The following FEM1A variants were observed in gnomAD, a reference collection of about 807,000 sequenced individuals.
The protein encoded by FEM1A is protein fem-1 homolog A.
In FEM1A, 1 loss-of-function variant was observed where a neutral mutation model predicts 0.7. That is an observed-to-expected ratio of 1.35 (90% confidence interval 0.48 to 6.40). The LOEUF is 6.40. Ranked by LOEUF, FEM1A falls within the 30% of genes most tolerant of loss-of-function variation. The pLI is 0.14. For synonymous variants in FEM1A, 391 were observed against 420.6 expected, an observed-to-expected ratio of 0.93 and a Z score of 0.86; for missense variants, 721 against 918.7, an observed-to-expected ratio of 0.78 and a Z score of 2.78.
At position 4,795,154 on chromosome 19, in the gene FEM1A, G is replaced by C. The variant is rs981230949; in HGVS notation, c.*1290G>C. Reference sequence around the variant, plus strand: ...TGACTCAGGGTAAGGTGCTGGGGCTGCCAGAGGACCTGCCCCAGCAAGATT... The same window carrying C: ...TGACTCAGGGTAAGGTGCTGGGGCTCCCAGAGGACCTGCCCCAGCAAGATT... On this transcript the variant is annotated 3_prime_UTR_variant, in exon 1 of 1. Transcript: ENST00000269856. 4.2e-5 allele frequency: 7 copies of C among 166,784 alleles called. No individual in the cohort carries two copies. Among genetic ancestry groups the C allele is most frequent in the African/African-American group, 1.7e-4 (7 of 41,176 alleles). 10.3% of individuals were successfully genotyped at this position (166,784 alleles called of 1,614,324 possible). A position where few individuals can be genotyped will look rare whatever the true frequency, so the allele number is the denominator to read the frequency against.
chr19:4,792,221 G>T lies in FEM1A; in HGVS notation c.367G>T (p.Ala123Ser). 2.0e-6 allele frequency: 3 copies of T among 1,503,934 alleles called. No homozygotes were observed. The highest frequency in any genetic ancestry group is 2.7e-6 in the Non-Finnish European group (3 of 1,127,662). 93.2% of individuals were successfully genotyped at this position (1,503,934 alleles called of 1,614,324 possible). A position where few individuals can be genotyped will look rare whatever the true frequency, so the allele number is the denominator to read the frequency against. Residue 123 changes from alanine to serine, a missense_variant, in exon 1 of 1, where the codon GCC becomes TCC. Physicochemically the swap from Ala to Ser is moderately conservative, Grantham distance 99. Around this residue, in one of 4 missense-constraint regions of FEM1A, gnomAD observed 195 missense variants for 316.9 expected, o/e 0.62. Coordinates refer to ENST00000269856, the MANE Select transcript of FEM1A (RefSeq NM_018708.3). The surrounding 1 kb of genome is among the most constrained non-coding windows in gnomAD (Gnocchi z 6.7). Reference sequence around the variant, plus strand: ...CACCAACTCCACGCCTCTCCGCGCCGCCTGCTTCGACGGCCACCTGGAGGT... The same window carrying T: ...CACCAACTCCACGCCTCTCCGCGCCTCCTGCTTCGACGGCCACCTGGAGGT... The part of the protein sequence containing the change: ...TRTNSTPLRA[A>S]CFDGHLEVVR...
Position 4,792,674 on chromosome 19 carries a change from AG to A in FEM1A, c.821del (p.Ser274ThrfsTer8). The A allele has an allele frequency of 6.2e-7, 1 of 1,612,138 alleles. No homozygotes were observed. Among genetic ancestry groups the A allele is most frequent in the Middle Eastern group, 2.2e-4 (1 of 4,570 alleles). On this transcript the variant is annotated frameshift_variant, in exon 1 of 1. Transcript: ENST00000269856. LOFTEE classifies it low-confidence loss of function (END_TRUNC). This position sits in a 1 kb window ranked among gnomAD's most constrained non-coding sequence, Gnocchi z 6.7. ...GCAGCCTCAGGGGGCTCCGTGCTGC[AG>A]CTCCTCCCCAGAGGAACCACTGAAC... is the stretch of plus-strand genomic sequence containing the variant. Reference protein sequence around the residue: ...CAQPQGAPCCSSSPEEPLNGE... With the variant: ...CAQPQGAPCCXSSPEEPLNGE...
Position 4,794,720 on chromosome 19 carries a change from T to C in FEM1A, c.*856T>C, listed in dbSNP as rs909909537. Reference sequence around the variant, plus strand: ...AAACATGGGTGACCGTACATTTTTATACATCTCCACTCTACGGCCTTTTAC... The same window carrying C: ...AAACATGGGTGACCGTACATTTTTACACATCTCCACTCTACGGCCTTTTAC... On this transcript the variant is annotated 3_prime_UTR_variant, in exon 1 of 1. Coordinates refer to ENST00000269856, the MANE Select transcript of FEM1A (RefSeq NM_018708.3). 2.4e-5 allele frequency: 4 copies of C among 167,008 alleles called. No homozygotes were observed. The highest frequency in any genetic ancestry group is 9.7e-5 in the African/African-American group (4 of 41,448). The allele number at this position is 167,008 out of a possible 1,614,324, so 10.3% of individuals were successfully genotyped here. A position where few individuals can be genotyped will look rare whatever the true frequency, so the allele number is the denominator to read the frequency against.
In FEM1A at chr19:4,800,709, G is replaced by C. The variant is rs1186603993; in HGVS notation, c.*6845G>C. On this transcript the variant is annotated 3_prime_UTR_variant, in exon 1 of 1. Coordinates refer to ENST00000269856, the MANE Select transcript of FEM1A (RefSeq NM_018708.3). ...GGCCCCTATGGCTTTGCCAGACCCC[G>C]GGTGCCGCCGCCCCCATGGAATTGC... The C allele has an allele frequency of 6.6e-6, 1 of 152,360 alleles. No individual in the cohort carries two copies. Among genetic ancestry groups the C allele is most frequent in the Admixed American group, 6.6e-5 (1 of 15,248 alleles). The allele number at this position is 152,360 out of a possible 1,614,324, so 9.4% of individuals were successfully genotyped here.
chr19:4,791,785 C>A lies in FEM1A; in HGVS notation c.-70C>A. The A allele has an allele frequency of 7.2e-7, 1 of 1,384,416 alleles. No homozygotes were observed. The highest frequency in any genetic ancestry group is 9.4e-7 in the Non-Finnish European group (1 of 1,062,884). The allele number at this position is 1,384,416 out of a possible 1,614,324, so 85.8% of individuals were successfully genotyped here. A position where few individuals can be genotyped will look rare whatever the true frequency, so the allele number is the denominator to read the frequency against. ...GGGACGGTGAAGGTTGCCTCCCGCC[C>A]GTCCGGGCTCTGATCCTCCGTCTCC... On this transcript the variant is annotated 5_prime_UTR_variant, in exon 1 of 1. Coordinates refer to ENST00000269856, the MANE Select transcript of FEM1A (RefSeq NM_018708.3).
rs146137689 is a variant in FEM1A, at chr19:4,793,439, G to T, written c.1585G>T (p.Ala529Ser). Residue 529 changes from alanine to serine, a missense_variant, in exon 1 of 1, where the codon GCG becomes TCG. Physicochemically the swap from Ala to Ser is moderately conservative, Grantham distance 99 (BLOSUM62 1). Around this residue, in one of 4 missense-constraint regions of FEM1A, gnomAD observed 379 missense variants for 454.8 expected, o/e 0.83. Coordinates refer to ENST00000269856, the MANE Select transcript of FEM1A (RefSeq NM_018708.3). This position sits in a 1 kb window ranked among gnomAD's most constrained non-coding sequence, Gnocchi z 5.1. ...GACCGTCTACCGCCTGCTCAAGTGC[G>T]CGCCCAGGGGCAAGAACGGCTTCAC... The part of the protein sequence containing the change: ...HQTVYRLLKC[A>S]PRGKNGFTPL... 392 of 1,612,142 alleles carry T rather than the reference G, an allele frequency of 2.4e-4. No individual in the cohort carries two copies. Among genetic ancestry groups the T allele is most frequent in the Non-Finnish European group, 3.3e-4 (387 of 1,179,870 alleles).
Position 4,794,140 on chromosome 19 carries a change from C to T in FEM1A, c.*276C>T, listed in dbSNP as rs1568360279. ...AAAAGACACAAGACCTTCCCCACAT[C>T]CTGTCTGCCTGGGTTAGGGAGGCCT... On this transcript the variant is annotated 3_prime_UTR_variant, in exon 1 of 1. Transcript: ENST00000269856. 2 of 433,414 alleles carry T rather than the reference C, an allele frequency of 4.6e-6. No homozygotes were observed. Among genetic ancestry groups the T allele is most frequent in the Non-Finnish European group, 8.7e-6 (2 of 228,916 alleles). The allele number at this position is 433,414 out of a possible 1,614,324, so 26.8% of individuals were successfully genotyped here. A position where few individuals can be genotyped will look rare whatever the true frequency, so the allele number is the denominator to read the frequency against.
In FEM1A at chr19:4,791,849, C is replaced by G. The variant is rs1301272445; in HGVS notation, c.-6C>G. On this transcript the variant is annotated 5_prime_UTR_variant, in exon 1 of 1. Transcript: ENST00000269856. ...GCCGGCCCATGGCCTGGCGGAGGCCCGAACCATGGACCTCCGCACCGCCGT... is the reference window on the plus strand; with the variant it reads ...GCCGGCCCATGGCCTGGCGGAGGCCGGAACCATGGACCTCCGCACCGCCGT... 6.0e-6 allele frequency: 9 copies of G among 1,500,994 alleles called. No homozygotes were observed. The highest frequency in any genetic ancestry group is 8.0e-6 in the Non-Finnish European group (9 of 1,129,092). The allele number at this position is 1,500,994 out of a possible 1,614,324, so 93.0% of individuals were successfully genotyped here. A position where few individuals can be genotyped will look rare whatever the true frequency, so the allele number is the denominator to read the frequency against.
rs2093555330 is a variant in FEM1A, at chr19:4,792,252, G to C, written c.398G>C (p.Arg133Pro). Reference protein sequence around the residue: ...ACFDGHLEVVRYLVGEHQADL... With the variant: ...ACFDGHLEVVPYLVGEHQADL... ...TTCGACGGCCACCTGGAGGTGGTGC[G>C]CTACCTGGTCGGCGAGCACCAGGCC... The change falls in exon 1 of 1, where the codon CGC becomes CCC. Residue 133 changes from arginine to proline, a missense_variant. Arg to Pro is a moderately radical substitution (Grantham distance 103). Coordinates refer to ENST00000269856, the MANE Select transcript of FEM1A (RefSeq NM_018708.3). The surrounding 1 kb of genome is among the most constrained non-coding windows in gnomAD (Gnocchi z 6.7). The C allele has an allele frequency of 6.5e-7, 1 of 1,534,256 alleles. No individual in the cohort carries two copies. The highest frequency in any genetic ancestry group is 8.7e-7 in the Non-Finnish European group (1 of 1,144,010).
rs1309253420 is a variant in FEM1A at position 4,794,030 on chromosome 19, G to A, written c.*166G>A. ...TGCAGACAGGGTCGGAGGTGTTAGCGAGCCTTTGGTGCTAGAAGCCTGCGG... is the reference window on the plus strand; with the variant it reads ...TGCAGACAGGGTCGGAGGTGTTAGCAAGCCTTTGGTGCTAGAAGCCTGCGG... On this transcript the variant is annotated 3_prime_UTR_variant, in exon 1 of 1. Coordinates refer to ENST00000269856, the MANE Select transcript of FEM1A (RefSeq NM_018708.3). The A allele has an allele frequency of 5.6e-6, 4 of 713,558 alleles. No homozygotes were observed. The highest frequency in any genetic ancestry group is 7.0e-6 in the Non-Finnish European group (3 of 428,190). 44.2% of individuals were successfully genotyped at this position (713,558 alleles called of 1,614,324 possible).
At position 4,792,199 on chromosome 19, in the gene FEM1A, C is replaced by A. The variant is rs764565365; in HGVS notation, c.345C>A (p.Thr115=). ...CCTCGGTGAACCGCACCACGCGCAC[C>A]AACTCCACGCCTCTCCGCGCCGCCT... ...RGASVNRTTR[T]NSTPLRAACF... The change falls in exon 1 of 1, where the codon ACC becomes ACA. Residue 115 remains threonine, a synonymous_variant. Transcript: ENST00000269856. The surrounding 1 kb of genome is among the most constrained non-coding windows in gnomAD (Gnocchi z 6.7). The A allele has an allele frequency of 1.1e-5, 16 of 1,502,578 alleles. No individual in the cohort carries two copies. The highest frequency in any genetic ancestry group is 1.4e-5 in the Non-Finnish European group (16 of 1,127,268). The allele number at this position is 1,502,578 out of a possible 1,614,324, so 93.1% of individuals were successfully genotyped here. A position where few individuals can be genotyped will look rare whatever the true frequency, so the allele number is the denominator to read the frequency against.
chr19:4,792,962 A>G lies in FEM1A; in HGVS notation c.1108A>G (p.Met370Val). The part of the protein sequence containing the change: ...LEALITDPDE[M>V]RMQALLIRER... ...GGCGCTGATCACCGACCCGGATGAG[A>G]TGCGCATGCAGGCCCTGTTGATCCG... Residue 370 changes from methionine (M) to valine (V), a missense_variant, in exon 1 of 1, where the codon ATG becomes GTG. This residue lies in a region of FEM1A where 379 missense variants were observed against 454.8 expected (regional missense o/e 0.83). Coordinates refer to ENST00000269856, the MANE Select transcript of FEM1A (RefSeq NM_018708.3). This position sits in a 1 kb window ranked among gnomAD's most constrained non-coding sequence, Gnocchi z 6.7. 1 of 1,612,804 alleles carries G rather than the reference A, an allele frequency of 6.2e-7. No individual in the cohort carries two copies. The highest frequency in any genetic ancestry group is 8.5e-7 in the Non-Finnish European group (1 of 1,179,938).
chr19:4,791,809 C>T lies in FEM1A; in HGVS notation c.-46C>T. Reference sequence around the variant, plus strand: ...CCGTCCGGGCTCTGATCCTCCGTCTCCCCGTCCCCCGGCGGCCGGCCCATG... The same window carrying T: ...CCGTCCGGGCTCTGATCCTCCGTCTTCCCGTCCCCCGGCGGCCGGCCCATG... On this transcript the variant is annotated 5_prime_UTR_variant, in exon 1 of 1. Transcript: ENST00000269856. The T allele has an allele frequency of 6.9e-7, 1 of 1,443,428 alleles. No homozygotes were observed. Among genetic ancestry groups the T allele is most frequent in the Non-Finnish European group, 9.1e-7 (1 of 1,096,804 alleles). The allele number at this position is 1,443,428 out of a possible 1,614,324, so 89.4% of individuals were successfully genotyped here. A position where few individuals can be genotyped will look rare whatever the true frequency, so the allele number is the denominator to read the frequency against.
In FEM1A at chr19:4,794,866, A is replaced by C. The variant is rs2093559321; in HGVS notation, c.*1002A>C. 6.0e-6 allele frequency: 1 copy of C among 167,028 alleles called. No homozygotes were observed. The highest frequency in any genetic ancestry group is 1.5e-5 in the Non-Finnish European group (1 of 68,122). The allele number at this position is 167,028 out of a possible 1,614,324, so 10.3% of individuals were successfully genotyped here. ...AAAACACTTTGCCACCCAGCAAAGA[A>C]CTGGCACAATTGGTTTGGGTCTGCA... On this transcript the variant is annotated 3_prime_UTR_variant, in exon 1 of 1. Transcript: ENST00000269856.
chr19:4,791,861 C>T lies in FEM1A; in HGVS notation c.7C>T (p.Leu3Phe), dbSNP rs983969672. ...CCTGGCGGAGGCCCGAACCATGGAC[C>T]TCCGCACCGCCGTGTACAACGCCGC... is the stretch of plus-strand genomic sequence containing the variant. MD[L>F]RTAVYNAARD... Residue 3 changes from leucine (L) to phenylalanine (F), a missense_variant, in exon 1 of 1, where the codon CTC becomes TTC. Leu to Phe is a conservative substitution (Grantham distance 22). Transcript: ENST00000269856. The T allele has an allele frequency of 1.4e-5, 21 of 1,510,704 alleles. No homozygotes were observed. Among genetic ancestry groups the T allele is most frequent in the Middle Eastern group, 2.3e-4 (1 of 4,312 alleles). The allele number at this position is 1,510,704 out of a possible 1,614,324, so 93.6% of individuals were successfully genotyped here. A position where few individuals can be genotyped will look rare whatever the true frequency, so the allele number is the denominator to read the frequency against.
chr19:4,794,401 T>G lies in FEM1A; in HGVS notation c.*537T>G, dbSNP rs1568360317. The G allele has an allele frequency of 5.9e-6, 1 of 170,712 alleles. No individual in the cohort carries two copies. The allele number at this position is 170,712 out of a possible 1,614,324, so 10.6% of individuals were successfully genotyped here. On this transcript the variant is annotated 3_prime_UTR_variant, in exon 1 of 1. Coordinates refer to ENST00000269856, the MANE Select transcript of FEM1A (RefSeq NM_018708.3). ...ATCGCGCCCTGCTCCCGTGCCACCG[T>G]AGTCCCTGGCAGACAGGCAGGGCTC...
At position 4,791,757 on chromosome 19, in the gene FEM1A, A is replaced by G; in HGVS notation, c.-98A>G. 1 of 1,240,274 alleles carries G rather than the reference A, an allele frequency of 8.1e-7. No homozygotes were observed. Among genetic ancestry groups the G allele is most frequent in the Non-Finnish European group, 1.1e-6 (1 of 939,916 alleles). The allele number at this position is 1,240,274 out of a possible 1,614,324, so 76.8% of individuals were successfully genotyped here. A position where few individuals can be genotyped will look rare whatever the true frequency, so the allele number is the denominator to read the frequency against. ...CCGAGGAGACCCTAAGATGGCGGCGAGGGGGACGGTGAAGGTTGCCTCCCG... is the reference window on the plus strand; with the variant it reads ...CCGAGGAGACCCTAAGATGGCGGCGGGGGGGACGGTGAAGGTTGCCTCCCG... On this transcript the variant is annotated 5_prime_UTR_variant, in exon 1 of 1. Coordinates refer to ENST00000269856, the MANE Select transcript of FEM1A (RefSeq NM_018708.3).
At position 4,799,955 on chromosome 19, in the gene FEM1A, G is replaced by A. The variant is rs1203689589; in HGVS notation, c.*6091G>A. The A allele has an allele frequency of 2.3e-5, 3 of 132,666 alleles. No individual in the cohort carries two copies. Among genetic ancestry groups the A allele is most frequent in the Non-Finnish European group, 3.3e-5 (2 of 60,158 alleles). The allele number at this position is 132,666 out of a possible 1,614,324, so 8.2% of individuals were successfully genotyped here. On this transcript the variant is annotated 3_prime_UTR_variant, in exon 1 of 1. Coordinates refer to ENST00000269856, the MANE Select transcript of FEM1A (RefSeq NM_018708.3). ...AAAATGGGGCCATCAATGCCATGGA[G>A]GGTAGCAAAAAATGTTCACAATAGT...
Position 4,792,574 on chromosome 19 carries a change from C to T in FEM1A, c.720C>T (p.Gly240=), listed in dbSNP as rs772914910. 1 of 1,608,204 alleles carries T rather than the reference C, an allele frequency of 6.2e-7. No homozygotes were observed. The highest frequency in any genetic ancestry group is 1.1e-5 in the South Asian group (1 of 90,976). ...AGTACCTCATCCAGGAGCAGCCCGG[C>T]CAGGAGCAGGTCGCAGGGGGAGAGG... ...IVEYLIQEQP[G]QEQVAGGEAQ... Residue 240 remains glycine (G), a synonymous_variant, in exon 1 of 1, where the codon GGC becomes GGT. Coordinates refer to ENST00000269856, the MANE Select transcript of FEM1A (RefSeq NM_018708.3). The surrounding 1 kb of genome is among the most constrained non-coding windows in gnomAD (Gnocchi z 6.7).
Sources: allele counts gnomAD v4.1 joint callset, GRCh38; gene constraint gnomAD v4.1.1; regional missense constraint gnomAD v4.1.1; non-coding constraint Gnocchi (gnomAD v3.1); transcripts MANE v1.5; gene names NCBI Gene and HGNC (gene_info 2026-07-23, HGNC 2026-07-21).